Variants in FAR2 observed in about 807,000 individuals in gnomAD.
The protein encoded by FAR2 is fatty acyl-CoA reductase 2.
A neutral mutation model predicts 56.0 loss-of-function variants in FAR2; 19 were observed. The ratio of observed to expected loss-of-function variants is 0.34; its 90% confidence interval spans 0.24 to 0.50. The LOEUF (loss-of-function observed/expected upper bound fraction) is 0.50, where lower values mean the gene tolerates loss of function less well. FAR2 is among the 20% of genes least tolerant of loss of function. FAR2 has a pLI of 0.98. For missense variants in FAR2, 508 were observed against 642.2 expected, an observed-to-expected ratio of 0.79 and a Z score of 2.26; for synonymous variants, 219 against 218.8, an observed-to-expected ratio of 1.00 and a Z score of -0.01.
intron 1 of FAR2, among the ~76,000 whole-genome samples, chr12:29,175,905 G>A (rs1949933727): frequency 6.6e-6 from 1 of 152,188 alleles, no homozygotes; most frequent in Admixed American, 6.5e-5. Context: ...CTCGACCCAG[G>A]AAGTCCAGCT....
At chr12:29,307,367 T>C (rs149466641) in intron 4 of FAR2, among the ~76,000 whole-genome samples, 222 of 151,954 alleles carry the variant, frequency 1.5e-3, no homozygotes, top group African/African-American at 5.1e-3. Context: ...AATAAAGTAG[T>C]ATTGCTATTG....
intron 1 of FAR2, among the ~76,000 whole-genome samples, chr12:29,177,547 A>G (rs1294963300): frequency 6.6e-6 from 1 of 152,198 alleles, no homozygotes; most frequent in Non-Finnish European, 1.5e-5. Flanking sequence ...GGGCTATCCT[A>G]GGGTTTTCTC....
At chr12:29,211,246 A>G (rs1292269652) in intron 1 of FAR2, among the ~76,000 whole-genome samples, 1 of 152,052 alleles carries the variant, frequency 6.6e-6, no homozygotes, top group Non-Finnish European at 1.5e-5. Flanking sequence ...ACCGGAGATC[A>G]CGCCACTGCA....
intron 1 of FAR2, among the ~76,000 whole-genome samples, chr12:29,203,999 C>CA (rs34399942): frequency 0.027 from 1,810 of 68,008 alleles, 302 homozygotes; most frequent in African/African-American, 0.1. Flanking sequence ...GATTCCATCT[C>CA]AAAAAAAAAA....
intron 1 of FAR2, among the ~76,000 whole-genome samples, chr12:29,248,353 T>A (rs6487787): frequency 0.51 from 78,232 of 151,954 alleles, 20,371 homozygotes; most frequent in East Asian, 0.64. Context: ...GAGAAATTTT[T>A]AAGCTGGGCG....
At chr12:29,210,304 TTACTC>T (rs777527685) in intron 1 of FAR2, among the ~76,000 whole-genome samples, 7 of 151,766 alleles carry the variant, frequency 4.6e-5, no homozygotes, top group Non-Finnish European at 7.4e-5. Flanking sequence ...TTATCAGTGT[TTACTC>T]TAAGATACTC....
At chr12:29,180,633 C>G (rs1451078528) in intron 1 of FAR2, among the ~76,000 whole-genome samples, 1 of 152,122 alleles carries the variant, frequency 6.6e-6, no homozygotes, top group Non-Finnish European at 1.5e-5. Flanking sequence ...CCAAGGATGA[C>G]TTTTATGGGA....
intron 2 of FAR2, among the ~76,000 whole-genome samples, chr12:29,289,064 C>A (rs1044318939): frequency 1.3e-5 from 2 of 152,058 alleles, no homozygotes; most frequent in African/African-American, 4.8e-5. Context: ...GAAAAGTATT[C>A]CATGTTCATG....
intron 1 of FAR2, among the ~76,000 whole-genome samples, chr12:29,249,413 A>G: frequency 6.6e-6 from 1 of 152,176 alleles, no homozygotes; most frequent in Non-Finnish European, 1.5e-5. Flanking sequence ...TACATTTTTC[A>G]ACATCATTAA....
chr12:29,158,484 T>C (rs1454570302), intron 1 of FAR2, among the ~76,000 whole-genome samples: 1 of 152,248 alleles, frequency 6.6e-6, no homozygotes, highest in South Asian at 2.1e-4. Flanking sequence ...GCCATAACTC[T>C]CTTCTTAGCA....
At chr12:29,248,704 G>A (rs1218459477) in intron 1 of FAR2, among the ~76,000 whole-genome samples, 3 of 152,152 alleles carry the variant, frequency 2.0e-5, no homozygotes, top group Non-Finnish European at 4.4e-5. Flanking sequence ...ATAAGCCTGG[G>A]AGCACTATGG....
chr12:29,299,335 A>G (rs1949122976), intron 4 of FAR2, among the ~76,000 whole-genome samples: 1 of 152,150 alleles, frequency 6.6e-6, no homozygotes, highest in Admixed American at 6.5e-5. Context: ...CAGACACTAA[A>G]TACCCCTAGG....
rs201502651 is a variant in FAR2, at chr12:29,173,057, GT to G, written c.-39+23654del. Among the ~76,000 whole-genome samples the G allele has an allele frequency of 2.6e-4, 39 of 152,326 alleles. No individual in the cohort carries two copies. In the East Asian group the frequency reaches 7.1e-3, roughly 28 times the overall value. ...CTGCATTCTTTTAACTAAAGGCCAGGTTTTGATCTAACAGTAGCATGACTTC... is the reference window on the plus strand; with the variant it reads ...CTGCATTCTTTTAACTAAAGGCCAGGTTTGATCTAACAGTAGCATGACTTC... On this transcript the variant is annotated intron_variant, in intron 1 of 11. Transcript: ENST00000536681.
chr12:29,276,819 T>C (rs1335511185), intron 2 of FAR2, among the ~76,000 whole-genome samples: 1 of 151,004 alleles, frequency 6.6e-6, no homozygotes, highest in Non-Finnish European at 1.5e-5. Flanking sequence ...GAGCTATGTT[T>C]GAAAGGTGAA....
intron 2 of FAR2, among the ~76,000 whole-genome samples, chr12:29,287,321 T>G (rs1277584437): frequency 6.6e-6 from 1 of 152,218 alleles, no homozygotes; most frequent in African/African-American, 2.4e-5. Flanking sequence ...GCTAAAGCAC[T>G]AAAAACGTCT....
At chr12:29,159,032 A>G (rs529973595) in intron 1 of FAR2, among the ~76,000 whole-genome samples, 22 of 152,248 alleles carry the variant, frequency 1.4e-4, no homozygotes, top group Non-Finnish European at 2.6e-4. Context: ...ATGCAAAACA[A>G]GTTATAGTAC....
chr12:29,272,519 T>G (rs1358872756), intron 2 of FAR2, among the ~76,000 whole-genome samples: 1 of 152,264 alleles, frequency 6.6e-6, no homozygotes, highest in Non-Finnish European at 1.5e-5. Flanking sequence ...TTATTCTAGT[T>G]AGCAATTCCT....
At chr12:29,164,437 T>G (rs1949808574) in intron 1 of FAR2, among the ~76,000 whole-genome samples, 1 of 152,138 alleles carries the variant, frequency 6.6e-6, no homozygotes, top group South Asian at 2.1e-4. Context: ...TCCCTGTTCT[T>G]TTGTCCTCCA....
In FAR2 at chr12:29,270,426, A is replaced by C. The variant is rs745479396; in HGVS notation, c.-24A>C. On this transcript the variant is annotated 5_prime_UTR_variant, in exon 2 of 12. Coordinates refer to ENST00000536681, the MANE Select transcript of FAR2 (RefSeq NM_001271783.2). ...TTCCTTTTCAGGAACCTCTTTCAGG[A>C]GCTATAAAAGAAAGGGAGGAATCAT... 2 of 1,507,682 alleles carry C rather than the reference A, an allele frequency of 1.3e-6. No individual in the cohort carries two copies. Among genetic ancestry groups the C allele is most frequent in the South Asian group, 2.7e-5 (2 of 75,268 alleles). 93.4% of individuals were successfully genotyped at this position (1,507,682 alleles called of 1,614,324 possible).
Sources: allele counts gnomAD v4.1 joint callset (sites outside exome capture counted in the v4.1 genomes callset), GRCh38; gene constraint gnomAD v4.1.1; transcripts MANE v1.5; gene names NCBI Gene and HGNC (gene_info 2026-07-23, HGNC 2026-07-21).